ELAC1: variants seen among roughly 807,000 people sequenced by gnomAD.
The protein encoded by ELAC1 is zinc phosphodiesterase ELAC protein 1.
In ELAC1, 19 loss-of-function variants were observed where a neutral mutation model predicts 25.8. That is an observed-to-expected ratio of 0.74 (90% CI 0.51 to 1.08). The LOEUF is 1.08. Among genes scored for constraint, ELAC1 ranks in the 50% least tolerant of loss-of-function variants. The pLI is 0.00. For missense variants in ELAC1, 403 were observed against 434.6 expected, an observed-to-expected ratio of 0.93 and a Z score of 0.65; for synonymous variants, 148 against 160.9, an observed-to-expected ratio of 0.92 and a Z score of 0.61.
intron 1 of ELAC1, among the ~76,000 whole-genome samples, chr18:50,972,110 G>A (rs1158283092): frequency 6.7e-6 from 1 of 148,196 alleles, no homozygotes; most frequent in Non-Finnish European, 1.5e-5. Flanking sequence ...ATATATAAAA[G>A]ATTTTATTTA....
chr18:50,979,795 C>T (rs750126360), intron 2 of ELAC1, among the ~76,000 whole-genome samples: 3 of 152,004 alleles, frequency 2.0e-5, no homozygotes, highest in African/African-American at 7.3e-5. Flanking sequence ...GGTGCGATCT[C>T]GGCTCATTAC....
chr18:50,976,519 C>A (rs868309329), intron 2 of ELAC1, among the ~76,000 whole-genome samples: 1 of 152,124 alleles, frequency 6.6e-6, no homozygotes, highest in Admixed American at 6.6e-5. Flanking sequence ...TATTCACTGT[C>A]GTGAGAACAG....
At chr18:50,970,352 G>A (rs1441928388) in intron 1 of ELAC1, among the ~76,000 whole-genome samples, 2 of 152,218 alleles carry the variant, frequency 1.3e-5, no homozygotes, top group Non-Finnish European at 2.9e-5. Context: ...GGATGACAAA[G>A]TGATTATATT....
chr18:50,976,989 C>T (rs1337019710), intron 2 of ELAC1, among the ~76,000 whole-genome samples: 3 of 152,230 alleles, frequency 2.0e-5, no homozygotes, highest in Non-Finnish European at 4.4e-5. Flanking sequence ...TCTCCTTTGA[C>T]TCCATGTCTC....
intron 1 of ELAC1, among the ~76,000 whole-genome samples, chr18:50,971,325 G>A (rs1907645760): frequency 6.6e-6 from 1 of 152,128 alleles, no homozygotes; most frequent in Non-Finnish European, 1.5e-5. Context: ...CGTCATCCTG[G>A]TTAGCACTGA....
chr18:50,972,129 G>A (rs979606168), intron 1 of ELAC1, among the ~76,000 whole-genome samples: 7 of 149,648 alleles, frequency 4.7e-5, no homozygotes, highest in African/African-American at 1.7e-4. Context: ...TAGTGAAAAT[G>A]TCTGTTTTTA....
At position 50,974,480 on chromosome 18, in the gene ELAC1, C is replaced by T. The variant is rs1444202397; in HGVS notation, c.76C>T (p.Leu26Phe). The change falls in exon 2 of 4, where the codon CTT becomes TTT. Residue 26 changes from leucine (L) to phenylalanine (F), a missense_variant. Coordinates refer to ENST00000269466, the MANE Select transcript of ELAC1 (RefSeq NM_018696.3). ...AACCCGGGGTGCCTCTGCTGTGGTC[C>T]TTCGGTGTGAAGGCGAGTGCTGGCT... is the stretch of plus-strand genomic sequence containing the variant. ...SPTRGASAVV[L>F]RCEGECWLFD... The T allele has an allele frequency of 6.2e-7, 1 of 1,609,636 alleles. No homozygotes were observed. The highest frequency in any genetic ancestry group is 8.5e-7 in the Non-Finnish European group (1 of 1,178,158).
At position 50,987,137 on chromosome 18, in the gene ELAC1, C is replaced by A; in HGVS notation, c.*52C>A. The A allele has an allele frequency of 7.9e-7, 1 of 1,269,274 alleles. No individual in the cohort carries two copies. The highest frequency in any genetic ancestry group is 1.1e-6 in the Non-Finnish European group (1 of 941,666). The allele number at this position is 1,269,274 out of a possible 1,614,324, so 78.6% of individuals were successfully genotyped here. A position where few individuals can be genotyped will look rare whatever the true frequency, so the allele number is the denominator to read the frequency against. ...CATGTCTGTGAATATGTTACTGAAC[C>A]TATAGTCCAGTTTTTTTATTTCTTG... On this transcript the variant is annotated 3_prime_UTR_variant, in exon 4 of 4. Transcript: ENST00000269466.
intron 2 of ELAC1, 80 bp from the exon 3 acceptor site, chr18:50,984,016 T>C: frequency 1.2e-6 from 1 of 841,056 alleles, no homozygotes; most frequent in Non-Finnish European, 1.8e-6. Flanking sequence ...TGTAAATTGT[T>C]AGGCTTGTTT....
chr18:50,968,294 C>A (rs1292896033), intron 1 of ELAC1, 180 bp downstream of exon 1: 1 of 152,136 alleles, frequency 6.6e-6, no homozygotes, highest in Non-Finnish European at 1.5e-5. Context: ...CGCCCGGCGC[C>A]GCCGCCCACC....
intron 1 of ELAC1, among the ~76,000 whole-genome samples, chr18:50,974,011 G>A (rs941788236): frequency 1.3e-5 from 2 of 152,160 alleles, no homozygotes; most frequent in African/African-American, 4.8e-5. Flanking sequence ...ATACAGAATC[G>A]TTTCACTGCC....
At chr18:50,980,930 C>T (rs1599148505) in intron 2 of ELAC1, among the ~76,000 whole-genome samples, 1 of 151,984 alleles carries the variant, frequency 6.6e-6, no homozygotes, top group East Asian at 1.9e-4. Flanking sequence ...TATTATGGAC[C>T]TATCATTATT....
chr18:50,970,933 C>T (rs911810008), intron 1 of ELAC1, among the ~76,000 whole-genome samples: 24 of 152,144 alleles, frequency 1.6e-4, no homozygotes, highest in African/African-American at 2.4e-4. Context: ...GTTATAAAAA[C>T]GAGATCATAC....
At chr18:50,985,344 A>G (rs889697053) in intron 3 of ELAC1, among the ~76,000 whole-genome samples, 6 of 152,224 alleles carry the variant, frequency 3.9e-5, no homozygotes, top group African/African-American at 1.4e-4. Flanking sequence ...TTTAACCTTG[A>G]TTAAATTAAT....
In ELAC1 at chr18:50,987,003, A is replaced by G. The variant is rs945677961; in HGVS notation, c.1010A>G (p.Lys337Arg). 3.7e-6 allele frequency: 6 copies of G among 1,612,678 alleles called. No homozygotes were observed. The highest frequency in any genetic ancestry group is 2.7e-5 in the African/African-American group (2 of 74,894). ...ACAGATGGCATTGCAGAACTAAAAA[A>G]GCAAGCTGAATCAGTGTTAGATCTC... is the stretch of plus-strand genomic sequence containing the variant. Reference protein sequence around the residue: ...GETDGIAELKKQAESVLDLQE... With the variant: ...GETDGIAELKRQAESVLDLQE... Residue 337 changes from lysine (K) to arginine (R), a missense_variant, in exon 4 of 4, where the codon AAG (lysine) becomes AGG (arginine). Lys to Arg is a conservative substitution (Grantham distance 26). Coordinates refer to ENST00000269466, the MANE Select transcript of ELAC1 (RefSeq NM_018696.3).
intron 2 of ELAC1, among the ~76,000 whole-genome samples, chr18:50,975,823 A>C (rs1178702595): frequency 1.3e-5 from 2 of 152,172 alleles, no homozygotes; most frequent in Non-Finnish European, 2.9e-5. Flanking sequence ...GTATTTTCTA[A>C]GTACTTTGGA....
intron 1 of ELAC1, among the ~76,000 whole-genome samples, chr18:50,972,154 T>C (rs1048414365): frequency 6.6e-6 from 1 of 151,772 alleles, no homozygotes; most frequent in African/African-American, 2.4e-5. Context: ...TTCTGGATTT[T>C]ATGTCTTGCC....
At chr18:50,979,644 G>C (rs796703860) in intron 2 of ELAC1, among the ~76,000 whole-genome samples, 3 of 152,234 alleles carry the variant, frequency 2.0e-5, no homozygotes, top group African/African-American at 7.2e-5. Context: ...TGTAGGACGT[G>C]AACACCAGGA....
At chr18:50,972,375 CTT>C (rs1907690628) in intron 1 of ELAC1, among the ~76,000 whole-genome samples, 1 of 152,078 alleles carries the variant, frequency 6.6e-6, no homozygotes, top group African/African-American at 2.4e-5. Flanking sequence ...CTTTTTACAC[CTT>C]TGTTATATAC....
Sources: gnomAD v4.1 joint callset for allele counts (sites outside exome capture counted in the v4.1 genomes callset) on GRCh38, gnomAD v4.1.1 for gene constraint, MANE v1.5 for transcripts, NCBI Gene and HGNC (gene_info 2026-07-23, HGNC 2026-07-21) for gene names.